CPT1A: variants seen among roughly 807,000 people sequenced by gnomAD.
The protein encoded by CPT1A is carnitine palmitoyltransferase 1A.
In CPT1A, 64 loss-of-function variants were observed where a neutral mutation model predicts 100.8. That is an observed-to-expected ratio of 0.63 (90% confidence interval 0.52 to 0.78). The LOEUF (loss-of-function observed/expected upper bound fraction) is 0.78, where lower values mean the gene tolerates loss of function less well. Among genes scored for constraint, CPT1A ranks in the 30% least tolerant of loss-of-function variants. The pLI, the probability that CPT1A is intolerant of heterozygous loss-of-function variation, is 0.00. For synonymous variants in CPT1A, 363 were observed against 396.0 expected (o/e 0.92, Z 0.99); for missense variants, 802 against 1,034.1 (o/e 0.78, Z 3.08).
chr11:68,759,564 C>T lies in CPT1A; in HGVS notation c.2235+5G>A, dbSNP rs760094911. Reference sequence around the variant, plus strand: ...TCAGAAAAAGGAACTTCTTTTCATACATACCGTCTCAGGGCAAGAGAACTT... The same window carrying T: ...TCAGAAAAAGGAACTTCTTTTCATATATACCGTCTCAGGGCAAGAGAACTT... On this transcript the variant is annotated splice_donor_5th_base_variant and intron_variant, in intron 18 of 18. Coordinates refer to ENST00000265641, the MANE Select transcript of CPT1A (RefSeq NM_001876.4). 1.9e-6 allele frequency: 3 copies of T among 1,590,152 alleles called. No homozygotes were observed. The East Asian group carries it at 6.7e-5, about 36-fold the overall frequency.
chr11:68,831,676 C>G (rs564356359), intron 1 of CPT1A, among the ~76,000 whole-genome samples: 71 of 151,572 alleles, frequency 4.7e-4, no homozygotes, highest in Non-Finnish European at 8.7e-4. Flanking sequence ...CTCCATCACC[C>G]AGGCTGGAGT....
At chr11:68,775,970 C>T (rs1855128878) in intron 12 of CPT1A, among the ~76,000 whole-genome samples, 1 of 152,162 alleles carries the variant, frequency 6.6e-6, no homozygotes, top group Non-Finnish European at 1.5e-5. Flanking sequence ...GTGGAAACAA[C>T]ACAAATGCCC....
chr11:68,794,709 C>T (rs898395851), intron 8 of CPT1A, 95 bp downstream of exon 8: 4 of 1,124,014 alleles, frequency 3.6e-6, no homozygotes, highest in Admixed American at 1.9e-5. Flanking sequence ...CTGTGCCCGG[C>T]CACAAACTGT....
At chr11:68,795,008 A>G in intron 7 of CPT1A, 97 bp from the exon 8 acceptor site, 1 of 909,600 alleles carries the variant, frequency 1.1e-6, no homozygotes, top group Non-Finnish European at 1.8e-6. Context: ...ATATTTCTAG[A>G]GATGCATCAA....
intron 1 of CPT1A, among the ~76,000 whole-genome samples, chr11:68,824,256 A>G (rs1238829115): frequency 1.3e-5 from 2 of 151,820 alleles, no homozygotes; most frequent in Non-Finnish European, 2.9e-5. Flanking sequence ...CTCAAAAAAA[A>G]AAAAAAAAAA....
chr11:68,762,181 G>A (rs933594730), intron 15 of CPT1A, among the ~76,000 whole-genome samples: 3 of 152,134 alleles, frequency 2.0e-5, no homozygotes, highest in African/African-American at 7.2e-5. Context: ...AAAATTTAAA[G>A]GACAATGTAC....
At chr11:68,797,776 C>T (rs932005446) in intron 6 of CPT1A, among the ~76,000 whole-genome samples, 7 of 152,080 alleles carry the variant, frequency 4.6e-5, no homozygotes, top group East Asian at 1.9e-4. Context: ...TTAGGAGTTC[C>T]GGACCTGCCT....
At chr11:68,839,040 CA>C (rs961112266) in intron 1 of CPT1A, among the ~76,000 whole-genome samples, 1 of 152,144 alleles carries the variant, frequency 6.6e-6, no homozygotes, top group Non-Finnish European at 1.5e-5. Context: ...TTTAAACAAA[CA>C]ATCTCGAACA....
At chr11:68,823,814 GA>G (rs1856649892) in intron 1 of CPT1A, among the ~76,000 whole-genome samples, 1 of 151,152 alleles carries the variant, frequency 6.6e-6, no homozygotes. Context: ...AAGAAAGAAA[GA>G]AATCATGTCC....
intron 18 of CPT1A, among the ~76,000 whole-genome samples, 161 bp downstream of exon 18, chr11:68,759,408 A>AT (rs199577537): frequency 9.3e-5 from 14 of 151,272 alleles, no homozygotes; most frequent in East Asian, 1.9e-4. Flanking sequence ...AAAAAAAAAA[A>AT]TTTTTTTTTA....
At chr11:68,757,932 G>A (rs1946723653) in intron 18 of CPT1A, among the ~76,000 whole-genome samples, 1 of 152,168 alleles carries the variant, frequency 6.6e-6, no homozygotes, top group African/African-American at 2.4e-5. Context: ...ATGTGTTTGT[G>A]CGGGTGTGTT....
At chr11:68,822,941 T>C (rs1477778893) in intron 1 of CPT1A, among the ~76,000 whole-genome samples, 1 of 152,100 alleles carries the variant, frequency 6.6e-6, no homozygotes, top group Non-Finnish European at 1.5e-5. Context: ...GATGGGAAGA[T>C]AGGGAGGTCA....
At chr11:68,780,604 A>C in intron 12 of CPT1A, 36 bp downstream of exon 12, 1 of 1,586,742 alleles carries the variant, frequency 6.3e-7, no homozygotes, top group African/African-American at 1.3e-5. Context: ...TTTCAAAAGC[A>C]ACTTCCACAT....
intron 14 of CPT1A, among the ~76,000 whole-genome samples, chr11:68,771,520 G>T (rs949837803): frequency 3.3e-5 from 5 of 152,220 alleles, no homozygotes; most frequent in Admixed American, 6.5e-5. Context: ...TTAATCACAT[G>T]ATCTTTAGTC....
chr11:68,798,347 C>T (rs1166071726), intron 6 of CPT1A, among the ~76,000 whole-genome samples: 4 of 152,240 alleles, frequency 2.6e-5, no homozygotes, highest in Admixed American at 6.5e-5. Flanking sequence ...CGAATATGCC[C>T]GGCCCCCTGA....
intron 5 of CPT1A, among the ~76,000 whole-genome samples, chr11:68,799,627 T>C (rs1315749893): frequency 6.6e-6 from 1 of 151,876 alleles, no homozygotes; most frequent in Non-Finnish European, 1.5e-5. Context: ...TGGTGGTGCA[T>C]GTCTGTGGTC....
intron 12 of CPT1A, among the ~76,000 whole-genome samples, chr11:68,780,331 G>A (rs1269748540): frequency 1.3e-5 from 2 of 152,252 alleles, no homozygotes; most frequent in African/African-American, 2.4e-5. Flanking sequence ...CGCCCAGGCC[G>A]GAGTGCAGTG....
intron 5 of CPT1A, among the ~76,000 whole-genome samples, chr11:68,801,114 A>T (rs1855894309): frequency 6.6e-6 from 1 of 152,104 alleles, no homozygotes; most frequent in African/African-American, 2.4e-5. Flanking sequence ...GTCTCCAAAA[A>T]AAAGGGGGAG....
intron 1 of CPT1A, among the ~76,000 whole-genome samples, chr11:68,826,607 G>A (rs1253894229): frequency 5.3e-5 from 8 of 151,632 alleles, no homozygotes; most frequent in Non-Finnish European, 2.9e-5. Flanking sequence ...GCGTGGTGGC[G>A]GGCGCCTGTA....
Sources: gnomAD v4.1 joint callset for allele counts (sites outside exome capture counted in the v4.1 genomes callset) on GRCh38, gnomAD v4.1.1 for gene constraint, MANE v1.5 for transcripts, NCBI Gene and HGNC (gene_info 2026-07-23, HGNC 2026-07-21) for gene names.